ZNF385D: variants seen among roughly 807,000 people sequenced by gnomAD.
ZNF385D encodes the protein zinc finger protein 385D.
In ZNF385D, 15 loss-of-function variants were observed where a neutral mutation model predicts 35.8. The ratio of observed to expected loss-of-function variants is 0.42; its 90% CI spans 0.28 to 0.64. The LOEUF (loss-of-function observed/expected upper bound fraction) is 0.64, where lower values mean the gene tolerates loss of function less well. Among genes scored for constraint, ZNF385D ranks in the 30% least tolerant of loss-of-function variants. ZNF385D has a pLI of 0.23. For synonymous variants in ZNF385D, 212 were observed against 186.8 expected (o/e 1.13, Z -1.10); for missense variants, 474 against 494.6 (o/e 0.96, Z 0.39).
Position 21,570,517 on chromosome 3 carries a change from C to CAAAG in ZNF385D, c.166-5837_166-5834dup, listed in dbSNP as rs148108456. ...TTTCACAATTTCACAGTTCTTAAAC[C>CAAAG]AAAGAATAATAAATGCTAGGAAGTT... On this transcript the variant is annotated intron_variant, in intron 2 of 7. Transcript: ENST00000281523. Among the ~76,000 whole-genome samples, 218 of 152,208 alleles carry CAAAG rather than the reference C, an allele frequency of 1.4e-3. 5 individuals carry two copies. The East Asian group carries it at 0.038, about 26-fold the overall frequency.
chr3:22,006,559 C>T (rs1192870418), intron 3 of ZNF385D, among the ~76,000 whole-genome samples: 2 of 151,586 alleles, frequency 1.3e-5, no homozygotes, highest in African/African-American at 4.8e-5. Flanking sequence ...GATAAAAAGT[C>T]GGATCACAGA....
intron 3 of ZNF385D, among the ~76,000 whole-genome samples, chr3:21,816,376 G>T (rs1412854241): frequency 6.6e-6 from 1 of 152,188 alleles, no homozygotes; most frequent in Admixed American, 6.5e-5. Context: ...ATTAAGAAAA[G>T]AGGAAGTCAA....
intron 3 of ZNF385D, among the ~76,000 whole-genome samples, chr3:22,059,133 C>G (rs916358574): frequency 6.6e-6 from 1 of 152,140 alleles, no homozygotes; most frequent in Non-Finnish European, 1.5e-5. Flanking sequence ...ATTAACCTAT[C>G]AGGAGTTATT....
chr3:21,990,986 T>G (rs1269344880), intron 3 of ZNF385D, among the ~76,000 whole-genome samples: 1 of 152,166 alleles, frequency 6.6e-6, no homozygotes, highest in Non-Finnish European at 1.5e-5. Context: ...TACCAAGAAT[T>G]AGAATGGTAT....
intron 3 of ZNF385D, among the ~76,000 whole-genome samples, chr3:22,025,778 C>G (rs1160120744): frequency 6.6e-6 from 1 of 152,120 alleles, no homozygotes; most frequent in Non-Finnish European, 1.5e-5. Flanking sequence ...TTCATCCCAG[C>G]TGGGAGGGTC....
chr3:21,993,872 T>C (rs750265975), intron 3 of ZNF385D, among the ~76,000 whole-genome samples: 2 of 152,124 alleles, frequency 1.3e-5, no homozygotes, highest in Non-Finnish European at 2.9e-5. Flanking sequence ...ATGAGTAACA[T>C]CTCCTTTTTG....
At chr3:22,002,881 A>G (rs1308713080) in intron 3 of ZNF385D, among the ~76,000 whole-genome samples, 1 of 152,222 alleles carries the variant, frequency 6.6e-6, no homozygotes, top group Non-Finnish European at 1.5e-5. Flanking sequence ...ACATCCCTTC[A>G]TGATAAAACA....
At chr3:22,059,641 A>G (rs548885149) in intron 3 of ZNF385D, among the ~76,000 whole-genome samples, 6 of 152,244 alleles carry the variant, frequency 3.9e-5, no homozygotes, top group African/African-American at 1.4e-4. Flanking sequence ...AATGCCTTTG[A>G]GTTCTCCAAT....
At chr3:21,579,357 A>G (rs1032166187) in intron 2 of ZNF385D, 1 of 152,184 alleles carries the variant, frequency 6.6e-6, no homozygotes, top group Non-Finnish European at 1.5e-5. Flanking sequence ...GTTGAAAGCT[A>G]CTGTACTGTG....
At chr3:21,617,572 C>T (rs1409820411) in intron 2 of ZNF385D, among the ~76,000 whole-genome samples, 1 of 152,176 alleles carries the variant, frequency 6.6e-6, no homozygotes, top group African/African-American at 2.4e-5. Flanking sequence ...TATAATTTTT[C>T]CTGCACAGAT....
In ZNF385D at chr3:21,912,568, G is replaced by T. The variant is rs1341917576; in HGVS notation, c.326-247540C>A. On this transcript the variant is annotated intron_variant, in intron 3 of 5. Coordinates refer to the ZNF385D transcript ENST00000494108. ...GTGTGCCATTCGAAGCACTCCAGTGGATTGCTATAGTGCATGCAAGTCAGG... is the reference window on the plus strand; with the variant it reads ...GTGTGCCATTCGAAGCACTCCAGTGTATTGCTATAGTGCATGCAAGTCAGG... Among the ~76,000 whole-genome samples, 3 of 152,018 alleles carry T rather than the reference G, an allele frequency of 2.0e-5. 1 individual carries two copies. In the East Asian group the frequency reaches 5.8e-4, roughly 29 times the overall value.
rs1354794131 is a variant in ZNF385D, at chr3:21,413,086, G to A, written c.*8128C>T. The A allele has an allele frequency of 6.6e-6, 1 of 151,640 alleles. No individual in the cohort carries two copies. The highest frequency in any genetic ancestry group is 1.5e-5 in the Non-Finnish European group (1 of 67,898). 9.4% of individuals were successfully genotyped at this position (151,640 alleles called of 1,614,324 possible). On this transcript the variant is annotated 3_prime_UTR_variant, in exon 8 of 8. Transcript: ENST00000281523. ...ACTGGTATACAAAGGGTAGTTCTTT[G>A]GGTTTTTAATGAAAACAAATATAAC...
At chr3:22,144,207 T>G (rs1042848307) in intron 3 of ZNF385D, among the ~76,000 whole-genome samples, 1 of 151,304 alleles carries the variant, frequency 6.6e-6, no homozygotes, top group Non-Finnish European at 1.5e-5. Flanking sequence ...GAACCAGGAG[T>G]TCAAAAATAG....
At chr3:21,882,007 G>A (rs1183201265) in intron 3 of ZNF385D, among the ~76,000 whole-genome samples, 3 of 152,014 alleles carry the variant, frequency 2.0e-5, no homozygotes, top group African/African-American at 7.2e-5. Flanking sequence ...TTCTGGGTGA[G>A]CAAAGAAAGT....
chr3:22,100,075 T>G (rs1701848287), intron 3 of ZNF385D, among the ~76,000 whole-genome samples: 1 of 149,670 alleles, frequency 6.7e-6, no homozygotes, highest in South Asian at 2.1e-4. Context: ...AAAAAACACA[T>G]GAAAAAATGC....
rs192332941 is a variant in ZNF385D, at chr3:21,847,433, G to C, written c.326-182405C>G. Among the ~76,000 whole-genome samples the C allele has an allele frequency of 4.2e-3, 639 of 152,106 alleles. 3 individuals are homozygous for C. Among genetic ancestry groups the C allele is most frequent in the Middle Eastern group, 0.014 (4 of 294 alleles). On this transcript the variant is annotated intron_variant, in intron 3 of 5. Transcript: ENST00000494108. ...AGGCTGCACCAATAACTGAACAATT[G>C]CATTTCTATGTTTTTGATAGGAACA...
At chr3:22,251,447 C>G (rs1197815430) in intron 2 of ZNF385D, among the ~76,000 whole-genome samples, 1 of 152,110 alleles carries the variant, frequency 6.6e-6, no homozygotes, top group African/African-American at 2.4e-5. Context: ...ACACCTCTTT[C>G]TCCAACTCAT....
intron 3 of ZNF385D, among the ~76,000 whole-genome samples, chr3:22,064,325 G>A (rs576641232): frequency 1.3e-5 from 2 of 152,312 alleles, no homozygotes; most frequent in East Asian, 3.9e-4. Flanking sequence ...GAGGAGCAGA[G>A]ATTTTTGTGA....
intron 1 of ZNF385D, among the ~76,000 whole-genome samples, chr3:21,722,063 G>A (rs1242928577): frequency 1.4e-5 from 2 of 143,510 alleles, no homozygotes; most frequent in African/African-American, 2.6e-5. Flanking sequence ...TCGTGCCACT[G>A]CACTCCAACT....
Sources: gnomAD v4.1 joint callset for allele counts (sites outside exome capture counted in the v4.1 genomes callset) on GRCh38, gnomAD v4.1.1 for gene constraint, MANE v1.5 for transcripts, NCBI Gene and HGNC (gene_info 2026-07-23, HGNC 2026-07-21) for gene names.